ZSWIM4: variants seen among roughly 807,000 people sequenced by gnomAD.
ZSWIM4 encodes zinc finger SWIM-type containing 4.
In ZSWIM4, 62 loss-of-function variants were observed where a neutral mutation model predicts 102.5. That is an observed-to-expected ratio of 0.60 (90% CI 0.49 to 0.75). The LOEUF (loss-of-function observed/expected upper bound fraction) is 0.75, where lower values mean the gene tolerates loss of function less well. ZSWIM4 is among the 30% of genes least tolerant of loss of function. ZSWIM4 has a pLI of 0.00. For missense variants in ZSWIM4, 1,280 were observed against 1,529.6 expected, an observed-to-expected ratio of 0.84 and a Z score of 2.72; for synonymous variants, 652 against 674.5, an observed-to-expected ratio of 0.97 and a Z score of 0.52.
At chr19:13,818,865 C>T (rs1392490100) in intron 9 of ZSWIM4, among the ~76,000 whole-genome samples, 1 of 132,196 alleles carries the variant, frequency 7.6e-6, no homozygotes, top group Non-Finnish European at 1.6e-5. Context: ...TCCCCTGCCT[C>T]CTCTTTTTTT....
chr19:13,809,032 C>A lies in ZSWIM4; in HGVS notation c.862-38C>A, dbSNP rs375271459. 6.2e-7 allele frequency: 1 copy of A among 1,605,554 alleles called. No individual in the cohort carries two copies. ...GCGGGGTGCAGAAGGCCCCGGCGGA[C>A]GCCCCAGCCCTTCCTCACCACCCTG... is the stretch of plus-strand genomic sequence containing the variant. On this transcript the variant is annotated intron_variant, in intron 4 of 13. Coordinates refer to ENST00000590508, the MANE Select transcript of ZSWIM4 (RefSeq NM_001367834.3). The surrounding 1 kb of genome is among the most constrained non-coding windows in gnomAD (Gnocchi z 4.2).
At chr19:13,817,425 C>G (rs192713235) in intron 8 of ZSWIM4, 72 bp downstream of exon 8, 1 of 1,556,890 alleles carries the variant, frequency 6.4e-7, no homozygotes. Flanking sequence ...TGGCCCAGTA[C>G]CCCTATAAGG....
In ZSWIM4 at chr19:13,830,708, C is replaced by T; in HGVS notation, c.2979C>T (p.Ala993=). The T allele has an allele frequency of 6.2e-7, 1 of 1,608,022 alleles. No homozygotes were observed. The highest frequency in any genetic ancestry group is 8.5e-7 in the Non-Finnish European group (1 of 1,178,930). ...VPLIIRSIHC[A]PMLSDILRRW... Reference sequence around the variant, plus strand: ...TCATCATTCGCAGCATCCACTGTGCCCCAATGCTGTCCGATATTCTGCGCC... The same window carrying T: ...TCATCATTCGCAGCATCCACTGTGCTCCAATGCTGTCCGATATTCTGCGCC... The change falls in exon 14 of 14, where the codon GCC becomes GCT. Residue 993 remains alanine, a synonymous_variant. Coordinates refer to ENST00000590508, the MANE Select transcript of ZSWIM4 (RefSeq NM_001367834.3).
intron 3 of ZSWIM4, among the ~76,000 whole-genome samples, chr19:13,805,871 T>A (rs1275878740): frequency 6.7e-6 from 1 of 149,776 alleles, no homozygotes; most frequent in Admixed American, 6.7e-5. Context: ...CTCAGGAAGC[T>A]GAGGTGGGAG....
chr19:13,801,293 G>A (rs1218370599), intron 2 of ZSWIM4, among the ~76,000 whole-genome samples: 1 of 152,198 alleles, frequency 6.6e-6, no homozygotes, highest in Non-Finnish European at 1.5e-5. Flanking sequence ...GGTGGAAAGT[G>A]CTCCTAGAGC....
At chr19:13,814,292 T>C (rs1191490216) in intron 6 of ZSWIM4, among the ~76,000 whole-genome samples, 2 of 151,968 alleles carry the variant, frequency 1.3e-5, no homozygotes, top group Non-Finnish European at 1.5e-5. Flanking sequence ...CATGTGATCC[T>C]CCCACCTTGG....
At position 13,830,489 on chromosome 19, in the gene ZSWIM4, C is replaced by T. The variant is rs1052178825; in HGVS notation, c.2760C>T (p.Ala920=). Residue 920 remains alanine, a synonymous_variant, in exon 14 of 14, where the codon GCC becomes GCT. Coordinates refer to ENST00000590508, the MANE Select transcript of ZSWIM4 (RefSeq NM_001367834.3). ...LDAAAGGLGH[A]HLFTVARYME... ...CGGCGGCCGGCGGCCTGGGCCACGC[C>T]CACCTCTTCACTGTGGCCCGCTATA... 2 of 1,601,284 alleles carry T rather than the reference C, an allele frequency of 1.2e-6. No homozygotes were observed. Among genetic ancestry groups the T allele is most frequent in the Admixed American group, 3.3e-5 (2 of 59,978 alleles).
chr19:13,818,029 TG>T, intron 9 of ZSWIM4, 53 bp downstream of exon 9: 3 of 1,441,798 alleles, frequency 2.1e-6, no homozygotes, highest in Non-Finnish European at 2.7e-6. Flanking sequence ...GTCCAGCCCC[TG>T]GTCCTGTAGC....
chr19:13,805,498 TGGGAC>T (rs797020162), intron 3 of ZSWIM4, among the ~76,000 whole-genome samples: 38 of 151,376 alleles, frequency 2.5e-4, no homozygotes, highest in African/African-American at 8.7e-4. Context: ...GAAGGGAATG[TGGGAC>T]GTTTGTGGGT....
Position 13,809,223 on chromosome 19 carries a change from G to T in ZSWIM4, c.1012+3G>T. ...CCGGCAGCTCTGGGATGAGCTGGGT[G>T]AGGCCCAAACCCCGGTGCGTGGTGG... is the stretch of plus-strand genomic sequence containing the variant. On this transcript the variant is annotated splice_donor_region_variant and intron_variant, in intron 5 of 13. Transcript: ENST00000590508. This position sits in a 1 kb window ranked among gnomAD's most constrained non-coding sequence, Gnocchi z 4.2. The T allele has an allele frequency of 6.3e-7, 1 of 1,598,962 alleles. No homozygotes were observed. The highest frequency in any genetic ancestry group is 1.1e-5 in the South Asian group (1 of 90,570).
chr19:13,829,977 T>G (rs1349128675), intron 13 of ZSWIM4, among the ~76,000 whole-genome samples: 1 of 151,976 alleles, frequency 6.6e-6, no homozygotes, highest in African/African-American at 2.4e-5. Context: ...TGCAGGGGGT[T>G]GAGGGGGTTG....
chr19:13,800,065 A>ATT (rs71170569), intron 2 of ZSWIM4, 144 bp downstream of exon 2: 1,144 of 383,984 alleles, frequency 3.0e-3, no homozygotes, highest in Middle Eastern at 4.3e-3. Context: ...ATTGTACAAG[A>ATT]TTTTTTTTTT....
chr19:13,798,443 G>A (rs1974667028), intron 1 of ZSWIM4, among the ~76,000 whole-genome samples: 1 of 152,034 alleles, frequency 6.6e-6, no homozygotes, highest in Non-Finnish European at 1.5e-5. Flanking sequence ...GCCAAGATGG[G>A]CACCTTAATC....
chr19:13,799,704 C>T lies in ZSWIM4; in HGVS notation c.154-16C>T, dbSNP rs141657019. 1.4e-4 allele frequency: 232 copies of T among 1,613,542 alleles called. 1 individual carries two copies. In the East Asian group the frequency reaches 5.1e-3, roughly 35 times the overall value. Reference sequence around the variant, plus strand: ...ACATCAACCCCAGGCTCCTAACCCACTGGCCCTTCCTACAGGTGGAGGAGC... The same window carrying T: ...ACATCAACCCCAGGCTCCTAACCCATTGGCCCTTCCTACAGGTGGAGGAGC... On this transcript the variant is annotated splice_polypyrimidine_tract_variant and intron_variant, in intron 1 of 13. Transcript: ENST00000590508.
intron 3 of ZSWIM4, among the ~76,000 whole-genome samples, chr19:13,806,296 G>T (rs1974918023): frequency 1.3e-5 from 2 of 151,716 alleles, no homozygotes; most frequent in African/African-American, 4.8e-5. Flanking sequence ...ACCTGCCTCA[G>T]CCTCCCAAAG....
At chr19:13,817,428 C>T in intron 8 of ZSWIM4, 75 bp downstream of exon 8, 1 of 1,547,388 alleles carries the variant, frequency 6.5e-7, no homozygotes, top group Non-Finnish European at 8.8e-7. Flanking sequence ...CCCAGTACCC[C>T]TATAAGGTAA....
chr19:13,830,862 C>T lies in ZSWIM4; in HGVS notation c.3133C>T (p.His1045Tyr), dbSNP rs375050232. ...AAVTAYITTS[H>Y]SRLTHISPRH... Reference sequence around the variant, plus strand: ...AGTCACCGCCTACATCACCACCAGCCACTCGCGCCTCACGCACATCAGCCC... The same window carrying T: ...AGTCACCGCCTACATCACCACCAGCTACTCGCGCCTCACGCACATCAGCCC... Residue 1045 changes from histidine to tyrosine, a missense_variant, in exon 14 of 14, where the codon CAC becomes TAC. Coordinates refer to ENST00000590508, the MANE Select transcript of ZSWIM4 (RefSeq NM_001367834.3). 1 of 1,613,620 alleles carries T rather than the reference C, an allele frequency of 6.2e-7. No individual in the cohort carries two copies. Among genetic ancestry groups the T allele is most frequent in the East Asian group, 2.2e-5 (1 of 44,882 alleles).
intron 1 of ZSWIM4, among the ~76,000 whole-genome samples, chr19:13,798,680 G>A (rs917151554): frequency 1.3e-5 from 2 of 152,188 alleles, no homozygotes; most frequent in African/African-American, 4.8e-5. Flanking sequence ...TGGTGCCGTG[G>A]ACCTCCCCAC....
chr19:13,808,758 A>C, intron 3 of ZSWIM4, 78 bp from the exon 4 acceptor site: 1 of 1,353,958 alleles, frequency 7.4e-7, no homozygotes. Context: ...AAAAAAAAAA[A>C]AAAGGACAGC....
Sources: allele counts gnomAD v4.1 joint callset (sites outside exome capture counted in the v4.1 genomes callset), GRCh38; gene constraint gnomAD v4.1.1; non-coding constraint Gnocchi (gnomAD v3.1); transcripts MANE v1.5; gene names NCBI Gene and HGNC (gene_info 2026-07-23, HGNC 2026-07-21).